Variants in RNF150 observed in about 807,000 individuals in gnomAD.
RNF150 encodes ring finger protein 150.
RNF150 carries 24 observed loss-of-function variants against 39.3 expected under a neutral mutation model. That is an observed-to-expected ratio of 0.61 (90% CI 0.44 to 0.86). The LOEUF (loss-of-function observed/expected upper bound fraction) is 0.86, where lower values mean the gene tolerates loss of function less well. RNF150 is among the 40% of genes least tolerant of loss of function. RNF150 has a pLI of 0.00. For synonymous variants in RNF150, 255 were observed against 227.3 expected (o/e 1.12, Z -1.10); for missense variants, 502 against 587.8 (o/e 0.85, Z 1.51).
intron 1 of RNF150, among the ~76,000 whole-genome samples, chr4:141,035,872 G>A (rs1736121799): frequency 6.6e-6 from 1 of 152,252 alleles, no homozygotes; most frequent in East Asian, 1.9e-4. Context: ...CTGGGGCCAG[G>A]CCTGGGGCGG....
intron 1 of RNF150, among the ~76,000 whole-genome samples, chr4:141,124,287 G>A (rs1382254667): frequency 6.6e-6 from 1 of 152,208 alleles, no homozygotes; most frequent in Non-Finnish European, 1.5e-5. Context: ...ACATTGTGGT[G>A]GGAGAAGACA....
intron 1 of RNF150, among the ~76,000 whole-genome samples, chr4:141,090,484 C>T (rs1027379015): frequency 6.6e-6 from 1 of 152,134 alleles, no homozygotes; most frequent in Non-Finnish European, 1.5e-5. Flanking sequence ...TACTGATGCA[C>T]AAAGCCTATC....
chr4:140,960,084 T>TTTG, intron 2 of RNF150, among the ~76,000 whole-genome samples: 1 of 152,272 alleles, frequency 6.6e-6, no homozygotes, highest in East Asian at 1.9e-4. Flanking sequence ...GGCTTCTAAA[T>TTTG]TTAACATCGT....
At chr4:141,153,333 A>T (rs1288814305) in intron 1 of RNF150, among the ~76,000 whole-genome samples, 1 of 152,184 alleles carries the variant, frequency 6.6e-6, no homozygotes, top group African/African-American at 2.4e-5. Flanking sequence ...AAATGAGGTC[A>T]TTAAGGTGGG....
chr4:141,038,660 C>T (rs1369378883), intron 1 of RNF150, among the ~76,000 whole-genome samples: 1 of 151,782 alleles, frequency 6.6e-6, no homozygotes, highest in Admixed American at 6.6e-5. Flanking sequence ...CACTGCACTC[C>T]AGGCTGGGCA....
intron 1 of RNF150, among the ~76,000 whole-genome samples, chr4:141,098,919 T>C (rs1175099211): frequency 6.6e-6 from 1 of 152,148 alleles, no homozygotes; most frequent in Non-Finnish European, 1.5e-5. Flanking sequence ...GTCTAATTAT[T>C]TTTCTAGTTG....
At chr4:141,043,934 C>T (rs1736462960) in intron 1 of RNF150, among the ~76,000 whole-genome samples, 1 of 152,102 alleles carries the variant, frequency 6.6e-6, no homozygotes, top group South Asian at 2.1e-4. Context: ...CACAGAGAAT[C>T]CAAGGAACTA....
intron 1 of RNF150, among the ~76,000 whole-genome samples, chr4:141,110,604 G>A (rs1028843526): frequency 8.0e-5 from 11 of 138,072 alleles, no homozygotes; most frequent in Non-Finnish European, 1.6e-4. Context: ...ATGAGGAAGG[G>A]GTCTTGCTAT....
intron 1 of RNF150, among the ~76,000 whole-genome samples, chr4:141,164,243 C>T (rs760768507): frequency 6.6e-6 from 1 of 150,424 alleles, no homozygotes; most frequent in Non-Finnish European, 1.5e-5. Context: ...AACATGAAGA[C>T]AAGATTAGAG....
chr4:140,869,105 T>G (rs1310942531), intron 6 of RNF150, among the ~76,000 whole-genome samples: 1 of 152,212 alleles, frequency 6.6e-6, no homozygotes, highest in African/African-American at 2.4e-5. Flanking sequence ...AACTATTCAA[T>G]TAAGCATGAT....
rs1252322956 is a variant in RNF150, at chr4:140,866,480, T to C, written c.*1781A>G. The C allele has an allele frequency of 2.0e-5, 3 of 152,198 alleles. No individual in the cohort carries two copies. Among genetic ancestry groups the C allele is most frequent in the Non-Finnish European group, 4.4e-5 (3 of 68,028 alleles). The allele number at this position is 152,198 out of a possible 1,614,324, so 9.4% of individuals were successfully genotyped here. ...GATTTCATTACAGGAAGCATTGGAC[T>C]CCTAGGGAGATGCAACCTTTCTGAG... On this transcript the variant is annotated 3_prime_UTR_variant, in exon 7 of 7. Transcript: ENST00000515673.
chr4:141,057,187 A>T (rs1737011506), intron 1 of RNF150, among the ~76,000 whole-genome samples: 3 of 152,042 alleles, frequency 2.0e-5, no homozygotes, highest in Admixed American at 2.0e-4. Context: ...AAGTACTTAA[A>T]ACAGTGCCTT....
intron 1 of RNF150, among the ~76,000 whole-genome samples, chr4:141,094,990 G>A (rs913734875): frequency 8.6e-5 from 13 of 151,982 alleles, no homozygotes; most frequent in African/African-American, 2.7e-4. Context: ...ACTTAACAAC[G>A]AGAAAAAAAC....
At chr4:141,075,577 C>T (rs1485515963) in intron 1 of RNF150, among the ~76,000 whole-genome samples, 1 of 152,192 alleles carries the variant, frequency 6.6e-6, no homozygotes, top group Non-Finnish European at 1.5e-5. Context: ...GAAAATCTCT[C>T]TAGTTTCTTT....
At position 141,155,213 on chromosome 4, in the gene RNF150, G is replaced by A. The variant is rs555395298; in HGVS notation, c.-6+57581C>T. Among the ~76,000 whole-genome samples the A allele has an allele frequency of 8.0e-5, 12 of 150,840 alleles. No homozygotes were observed. The East Asian group carries it at 2.4e-3, about 30-fold the overall frequency. ...CAATTCTCCTGCCTCAGCCTCCTGA[G>A]TAACTGGAACTACAGGCATGCACCA... On this transcript the variant is annotated intron_variant, in intron 1 of 7. Coordinates refer to the RNF150 transcript ENST00000420921.
At chr4:140,934,160 A>AGTCC (rs1273587174) in intron 4 of RNF150, among the ~76,000 whole-genome samples, 1 of 152,142 alleles carries the variant, frequency 6.6e-6, no homozygotes, top group East Asian at 1.9e-4. Flanking sequence ...ATAGGCACAT[A>AGTCC]CAACCATGCC....
chr4:141,156,734 TAAAAA>T (rs3081645), intron 1 of RNF150, among the ~76,000 whole-genome samples: 1 of 96,634 alleles, frequency 1.0e-5, no homozygotes, highest in Non-Finnish European at 1.9e-5. Flanking sequence ...TCTCTACTAC[TAAAAA>T]AAAAAAAAAA....
chr4:141,179,297 A>G (rs1727865603), intron 1 of RNF150, among the ~76,000 whole-genome samples: 1 of 152,138 alleles, frequency 6.6e-6, no homozygotes, highest in African/African-American at 2.4e-5. Flanking sequence ...CTTCATTTCT[A>G]ATCAACTTTC....
At chr4:140,894,793 T>G (rs1238419941) in intron 6 of RNF150, among the ~76,000 whole-genome samples, 1 of 152,230 alleles carries the variant, frequency 6.6e-6, no homozygotes, top group Non-Finnish European at 1.5e-5. Flanking sequence ...TATTTTGCCA[T>G]GAAGAAAGCT....
Sources: allele counts gnomAD v4.1 joint callset (sites outside exome capture counted in the v4.1 genomes callset), GRCh38; gene constraint gnomAD v4.1.1; transcripts MANE v1.5; gene names NCBI Gene and HGNC (gene_info 2026-07-23, HGNC 2026-07-21).